Variants in CRHBP observed in about 807,000 individuals in gnomAD.
CRHBP encodes the protein corticotropin releasing hormone binding protein.
Under a neutral mutation model 34.9 loss-of-function variants are expected in CRHBP, and 19 were observed. The ratio of observed to expected loss-of-function variants is 0.55; its 90% CI spans 0.38 to 0.80. CRHBP has a LOEUF of 0.80. Among genes scored for constraint, CRHBP ranks in the 30% least tolerant of loss-of-function variants. The pLI is 0.00. For missense variants in CRHBP, 328 were observed against 409.2 expected, an observed-to-expected ratio of 0.80 and a Z score of 1.71; for synonymous variants, 154 against 153.4, an observed-to-expected ratio of 1.00 and a Z score of -0.03.
At chr5:76,972,286 G>A (rs1368269674), downstream of CRHBP, among the ~76,000 whole-genome samples, 1 of 152,090 alleles carries the variant, frequency 6.6e-6, no homozygotes, top group African/African-American at 2.4e-5. Context: ...GATTGCCTGA[G>A]GTTGGGAGTT....
chr5:76,953,403 T>G (rs1428919460), intron 1 of CRHBP, 188 bp downstream of exon 1: 1 of 824,754 alleles, frequency 1.2e-6, no homozygotes, highest in Non-Finnish European at 2.0e-6. Flanking sequence ...ACTGCCTGCC[T>G]GCCTTCCTCT....
intron 4 of CRHBP, 188 bp from the exon 5 acceptor site, chr5:76,958,553 G>T: frequency 1.8e-6 from 1 of 568,666 alleles, no homozygotes; most frequent in Non-Finnish European, 3.0e-6. Flanking sequence ...ATATCCACGT[G>T]TCACTGATGG....
At chr5:76,979,715 C>G (rs1340743759) in intron 3 of CRHBP, among the ~76,000 whole-genome samples, 2 of 152,128 alleles carry the variant, frequency 1.3e-5, no homozygotes, top group East Asian at 3.9e-4. Context: ...ACTTAGTATA[C>G]TACATTATAC....
intron 4 of CRHBP, 49 bp downstream of exon 4, chr5:76,955,912 T>C: frequency 6.5e-7 from 1 of 1,527,702 alleles, no homozygotes; most frequent in Non-Finnish European, 9.0e-7. Context: ...GACCCGCTTT[T>C]TGAAAGTAGT....
chr5:76,965,401 A>C (rs965485380), intron 6 of CRHBP, among the ~76,000 whole-genome samples: 30 of 152,228 alleles, frequency 2.0e-4, no homozygotes, highest in Non-Finnish European at 4.4e-4. Context: ...AAGATTTCCA[A>C]AATCCCACTT....
chr5:76,955,636 C>A lies in CRHBP; in HGVS notation c.334-17C>A, dbSNP rs958615516. 3.0e-5 allele frequency: 48 copies of A among 1,611,860 alleles called. No homozygotes were observed. In the East Asian group the frequency reaches 1.0e-3, roughly 35 times the overall value. On this transcript the variant is annotated splice_polypyrimidine_tract_variant and intron_variant, in intron 3 of 6. Coordinates refer to ENST00000274368, the MANE Select transcript of CRHBP (RefSeq NM_001882.4). ...TTGATGGAAATGATAGCATCTATGT[C>A]TGTATTTTTTTCAAAGGTATTTGAT... is the stretch of plus-strand genomic sequence containing the variant.
chr5:76,968,194 G>GTTT (rs1197546143), intron 6 of CRHBP, among the ~76,000 whole-genome samples: 2 of 124,748 alleles, frequency 1.6e-5, no homozygotes, highest in African/African-American at 6.8e-5. Flanking sequence ...ATAAACAGGT[G>GTTT]TTTTTTTTTG....
chr5:76,954,202 C>A lies in CRHBP; in HGVS notation c.333+16C>A. 6.2e-7 allele frequency: 1 copy of A among 1,609,256 alleles called. No homozygotes were observed. The highest frequency in any genetic ancestry group is 8.5e-7 in the Non-Finnish European group (1 of 1,177,412). On this transcript the variant is annotated intron_variant, in intron 3 of 6. Transcript: ENST00000274368. ...CTTCCTGAAGGTGAGGCGCCCACGG[C>A]CAGCCAACCTAGCCGGAGGGCGGCA...
At chr5:76,957,811 CTT>C (rs1437954462) in intron 4 of CRHBP, among the ~76,000 whole-genome samples, 2 of 152,204 alleles carry the variant, frequency 1.3e-5, no homozygotes, top group East Asian at 3.8e-4. Context: ...ATTTATCAGA[CTT>C]AATACTGCTG....
intron 3 of CRHBP, among the ~76,000 whole-genome samples, chr5:76,977,841 CCAAA>C (rs1203145518): frequency 9.2e-5 from 14 of 152,130 alleles, no homozygotes; most frequent in Non-Finnish European, 1.6e-4. Context: ...GCGTCTTATT[CCAAA>C]CAGTTAGCCA....
At chr5:76,960,379 C>T (rs1482777823) in intron 5 of CRHBP, among the ~76,000 whole-genome samples, 1 of 152,132 alleles carries the variant, frequency 6.6e-6, no homozygotes, top group Non-Finnish European at 1.5e-5. Context: ...CATAAAACAG[C>T]TTCAGGGAGA....
rs570504700 is a variant in CRHBP, at chr5:76,955,446, T to TA, written c.334-201dup. On this transcript the variant is annotated intron_variant, in intron 3 of 6. Coordinates refer to ENST00000274368, the MANE Select transcript of CRHBP (RefSeq NM_001882.4). ...CTTACTTTGGAAGCTTTAAGGCTTA[T>TA]AAAAAATTAATTAATACTATTACTT... Among the ~76,000 whole-genome samples the TA allele has an allele frequency of 7.2e-5, 11 of 152,338 alleles. No homozygotes were observed. In the South Asian group the frequency reaches 1.9e-3, roughly 26 times the overall value.
chr5:76,956,312 G>A (rs1244765517), intron 4 of CRHBP, among the ~76,000 whole-genome samples: 3 of 152,174 alleles, frequency 2.0e-5, no homozygotes, highest in African/African-American at 7.2e-5. Context: ...CCTGACCAGA[G>A]GGTTGGATTA....
chr5:76,961,911 G>A (rs576994954), intron 5 of CRHBP, among the ~76,000 whole-genome samples: 8 of 152,130 alleles, frequency 5.3e-5, no homozygotes, highest in East Asian at 3.9e-4. Context: ...GTGCCACCGC[G>A]CTTGGCTAAT....
chr5:76,978,343 G>A (rs1003332862), intron 3 of CRHBP, among the ~76,000 whole-genome samples: 1 of 152,190 alleles, frequency 6.6e-6, no homozygotes, highest in African/African-American at 2.4e-5. Flanking sequence ...AGAATGACTC[G>A]TTAGGGGCTA....
At chr5:76,980,956 C>G (rs1187219595) in intron 3 of CRHBP, 1 of 152,132 alleles carries the variant, frequency 6.6e-6, no homozygotes, top group African/African-American at 2.4e-5. Flanking sequence ...TCTTTCTCTG[C>G]ACAGTCCTGC....
intron 4 of CRHBP, 42 bp from the exon 5 acceptor site, chr5:76,958,699 C>G (rs370602224): frequency 1.3e-6 from 2 of 1,581,622 alleles, no homozygotes; most frequent in African/African-American, 1.4e-5. Flanking sequence ...ACCTAGCAAA[C>G]CAAGTAAAGG....
chr5:76,961,242 A>G (rs1453783725), intron 5 of CRHBP, among the ~76,000 whole-genome samples: 1 of 152,214 alleles, frequency 6.6e-6, no homozygotes, highest in African/African-American at 2.4e-5. Flanking sequence ...GAGAAAAATC[A>G]TTGAACAGCA....
rs973378449 is a variant in CRHBP, at chr5:76,954,601, G to A, written c.333+415G>A. 1.5e-4 allele frequency among the ~76,000 whole-genome samples: 23 copies of A among 152,242 alleles called. No homozygotes were observed. In the South Asian group the frequency reaches 4.6e-3, roughly 30 times the overall value. Reference sequence around the variant, plus strand: ...GCGGGCCGTCTTGGTTAGAAGGCCCGCCCCACACGTCTCACATCTGAGCCC... The same window carrying A: ...GCGGGCCGTCTTGGTTAGAAGGCCCACCCCACACGTCTCACATCTGAGCCC... On this transcript the variant is annotated intron_variant, in intron 3 of 6. Transcript: ENST00000274368.
Sources: allele counts gnomAD v4.1 joint callset (sites outside exome capture counted in the v4.1 genomes callset), GRCh38; gene constraint gnomAD v4.1.1; transcripts MANE v1.5; gene names NCBI Gene and HGNC (gene_info 2026-07-23, HGNC 2026-07-21).